The following IGF2R variants were observed in gnomAD, a reference collection of about 807,000 sequenced individuals.
IGF2R encodes the protein cation-independent mannose-6-phosphate receptor.
In IGF2R, 91 loss-of-function variants were observed where a neutral mutation model predicts 270.6. The ratio of observed to expected loss-of-function variants is 0.34; its 90% CI spans 0.28 to 0.40. The LOEUF (loss-of-function observed/expected upper bound fraction) is 0.40, where lower values mean the gene tolerates loss of function less well. IGF2R is among the 10% of genes least tolerant of loss of function. The probability of loss-of-function intolerance (pLI) is 1.00; values close to 1 mark genes in which losing one functional copy is unlikely to be tolerated. For synonymous variants in IGF2R, 1,316 were observed against 1,258.9 expected (o/e 1.05, Z -0.96); for missense variants, 2,805 against 3,188.3 (o/e 0.88, Z 2.90).
At chr6:160,037,256 G>A (rs1195488835) in intron 10 of IGF2R, among the ~76,000 whole-genome samples, 1 of 152,192 alleles carries the variant, frequency 6.6e-6, no homozygotes, top group Non-Finnish European at 1.5e-5. Context: ...GAGATGTCAG[G>A]TGTTTTGTGG....
chr6:160,079,630 C>T lies in IGF2R; in HGVS notation c.5529C>T (p.Val1843=), dbSNP rs200730925. Reference sequence around the variant, plus strand: ...GCGTTGGGGTGTGCACCTTTGCAGTCGGGCCAGAACAAGGAGGCTGTAAGG... The same window carrying T: ...GCGTTGGGGTGTGCACCTTTGCAGTTGGGCCAGAACAAGGAGGCTGTAAGG... The part of the protein sequence containing the change: ...TYSVGVCTFA[V]GPEQGGCKDG... Residue 1843 remains valine, a synonymous_variant, in exon 38 of 48, where the codon GTC becomes GTT. Coordinates refer to ENST00000356956, the MANE Select transcript of IGF2R (RefSeq NM_000876.4). The T allele has an allele frequency of 5.0e-5, 77 of 1,552,604 alleles. No homozygotes were observed. The highest frequency in any genetic ancestry group is 7.4e-5 in the South Asian group (6 of 81,564).
intron 17 of IGF2R, among the ~76,000 whole-genome samples, 155 bp downstream of exon 17, chr6:160,048,062 A>G (rs1277545343): frequency 1.3e-5 from 2 of 152,216 alleles, no homozygotes; most frequent in Admixed American, 6.5e-5. Flanking sequence ...GTGAATTCTA[A>G]TAACTGTCTG....
chr6:160,060,864 A>T, intron 23 of IGF2R, 147 bp downstream of exon 23: 1 of 686,630 alleles, frequency 1.5e-6, no homozygotes. Flanking sequence ...CATTTCTGTT[A>T]TATATTCTCT....
chr6:160,045,417 A>T (rs939918046), intron 13 of IGF2R, among the ~76,000 whole-genome samples: 2 of 152,284 alleles, frequency 1.3e-5, no homozygotes, highest in African/African-American at 2.4e-5. Flanking sequence ...AACTGCTTTT[A>T]AGTGTGTAGC....
At position 160,004,169 on chromosome 6, in the gene IGF2R, G is replaced by A. The variant is rs888964322; in HGVS notation, c.290-4841G>A. On this transcript the variant is annotated intron_variant, in intron 2 of 47. Coordinates refer to ENST00000356956, the MANE Select transcript of IGF2R (RefSeq NM_000876.4). The surrounding 1 kb of genome is among the most constrained non-coding windows in gnomAD (Gnocchi z 5.2). ...GTGGGTGGTGCAGGGGAGAGAGGAA[G>A]ACTTGCTTGAGCACATCGGGAAGTA... The A allele has an allele frequency of 1.3e-5, 2 of 152,216 alleles. No homozygotes were observed. Among genetic ancestry groups the A allele is most frequent in the Non-Finnish European group, 2.9e-5 (2 of 68,072 alleles). The allele number at this position is 152,216 out of a possible 1,614,324, so 9.4% of individuals were successfully genotyped here.
At chr6:160,062,686 C>T in intron 26 of IGF2R, 67 bp downstream of exon 26, 1 of 1,133,752 alleles carries the variant, frequency 8.8e-7, no homozygotes, top group Non-Finnish European at 1.3e-6. Context: ...TGAACGATGC[C>T]TTAGATATGA....
intron 41 of IGF2R, among the ~76,000 whole-genome samples, chr6:160,087,396 C>T (rs1039892181): frequency 4.6e-5 from 7 of 152,190 alleles, no homozygotes; most frequent in South Asian, 2.1e-4. Flanking sequence ...TATACATGCC[C>T]GAAACCTGCC....
intron 2 of IGF2R, among the ~76,000 whole-genome samples, chr6:159,996,152 T>G (rs1000065588): frequency 6.6e-6 from 1 of 152,178 alleles, no homozygotes; most frequent in African/African-American, 2.4e-5. Flanking sequence ...ATAGTAATGA[T>G]GTGCTTGGGT....
At position 160,085,215 on chromosome 6, in the gene IGF2R, A is replaced by G; in HGVS notation, c.6205+84A>G. ...AGGGTGTTCTCAGGATGGCAAGGAG[A>G]GTGAGCATGTGCTTTGGTGGAAACC... On this transcript the variant is annotated intron_variant, in intron 41 of 47. Transcript: ENST00000356956. 3.5e-6 allele frequency: 5 copies of G among 1,436,804 alleles called. 1 individual carries two copies. The South Asian group carries it at 6.1e-5, about 18-fold the overall frequency. 89.0% of individuals were successfully genotyped at this position (1,436,804 alleles called of 1,614,324 possible). A position where few individuals can be genotyped will look rare whatever the true frequency, so the allele number is the denominator to read the frequency against.
chr6:159,972,354 A>C (rs3777421), intron 1 of IGF2R, among the ~76,000 whole-genome samples: 60,659 of 152,016 alleles, frequency 0.4, 12,820 homozygotes, highest in East Asian at 0.69. Context: ...GTAAATTGGT[A>C]ATTTCATACG....
Position 159,975,022 on chromosome 6 carries a change from C to A in IGF2R, c.149+5627C>A, listed in dbSNP as rs534220955. Among the ~76,000 whole-genome samples, 33 of 152,226 alleles carry A rather than the reference C, an allele frequency of 2.2e-4. 1 individual carries two copies. The East Asian group carries it at 4.8e-3, about 22-fold the overall frequency. ...CGTAATCAAATGTGTGGTCGTTTTT[C>A]CCCAGGCACCAAGCAGTGACCCCTG... On this transcript the variant is annotated intron_variant, in intron 1 of 47. Transcript: ENST00000356956.
Position 160,046,586 on chromosome 6 carries a change from T to C in IGF2R, c.1992T>C (p.Cys664=), listed in dbSNP as rs2115247684. 6.2e-7 allele frequency: 1 copy of C among 1,613,968 alleles called. No homozygotes were observed. Among genetic ancestry groups the C allele is most frequent in the Non-Finnish European group, 8.5e-7 (1 of 1,180,002 alleles). The change falls in exon 15 of 48, where the codon TGT becomes TGC. Residue 664 remains cysteine, a synonymous_variant. Coordinates refer to ENST00000356956, the MANE Select transcript of IGF2R (RefSeq NM_000876.4). ...TKKYDFYINV[C]GPVSVSPCQP... is the part of the protein sequence containing the mutation. ...AGTATGACTTTTATATAAATGTGTG[T>C]GGCCCGGTGTCTGTGAGCCCCTGTC...
At position 160,004,940 on chromosome 6, in the gene IGF2R, A is replaced by C. The variant is rs1244415920; in HGVS notation, c.290-4070A>C. On this transcript the variant is annotated intron_variant, in intron 2 of 47. Transcript: ENST00000356956. This position sits in a 1 kb window ranked among gnomAD's most constrained non-coding sequence, Gnocchi z 5.2. The stretch of plus-strand genomic sequence containing the variant: ...CGGCTGGGTCGGGTTTTATAAGCAT[A>C]AGCTTATTACCATAAGGTAATGAGG... The C allele has an allele frequency of 6.6e-6, 1 of 152,142 alleles. No individual in the cohort carries two copies. Among genetic ancestry groups the C allele is most frequent in the African/African-American group, 2.4e-5 (1 of 41,408 alleles). 9.4% of individuals were successfully genotyped at this position (152,142 alleles called of 1,614,324 possible). A position where few individuals can be genotyped will look rare whatever the true frequency, so the allele number is the denominator to read the frequency against.
At chr6:160,002,714 C>T (rs1784148927) in intron 2 of IGF2R, among the ~76,000 whole-genome samples, 4 of 151,932 alleles carry the variant, frequency 2.6e-5, no homozygotes, top group Admixed American at 2.6e-4. Context: ...TTTAATAATT[C>T]TTATATATTT....
intron 9 of IGF2R, 61 bp from the exon 10 acceptor site, chr6:160,034,358 G>A: frequency 3.7e-6 from 4 of 1,084,716 alleles, no homozygotes; most frequent in East Asian, 2.4e-5. Flanking sequence ...CATTTAAAAA[G>A]ATTCAAGTTT....
rs748703829 is a variant in IGF2R at position 160,104,783 on chromosome 6, C to T, written c.7175C>T (p.Thr2392Ile). 3 of 1,614,202 alleles carry T rather than the reference C, an allele frequency of 1.9e-6. No individual in the cohort carries two copies. The highest frequency in any genetic ancestry group is 3.3e-5 in the Admixed American group (2 of 60,024). The stretch of plus-strand genomic sequence containing the variant: ...GAAGGGCAGGAGAACGGCCATATTA[C>T]CACCAAGTCAGTGAAAGCCCTCAGC... ...GKEGQENGHI[T>I]TKSVKALSSL... The change falls in exon 48 of 48, where the codon ACC becomes ATC. Residue 2392 changes from threonine (T) to isoleucine (I), a missense_variant. This residue lies in a region of IGF2R where 1,851 missense variants were observed against 2,207.2 expected (regional missense o/e 0.84). Coordinates refer to ENST00000356956, the MANE Select transcript of IGF2R (RefSeq NM_000876.4).
Position 160,037,752 on chromosome 6 carries a change from T to G in IGF2R, c.1316-2808T>G, listed in dbSNP as rs577576505. Among the ~76,000 whole-genome samples the G allele has an allele frequency of 5.9e-5, 9 of 152,296 alleles. No homozygotes were observed. In the South Asian group the frequency reaches 1.7e-3, roughly 28 times the overall value. On this transcript the variant is annotated intron_variant, in intron 10 of 47. Coordinates refer to ENST00000356956, the MANE Select transcript of IGF2R (RefSeq NM_000876.4). ...TAAGTGGCTCAGCCCATTAAAGGTTTATTTTCTTAGTTCAGTGCTAGTCTT... is the reference window on the plus strand; with the variant it reads ...TAAGTGGCTCAGCCCATTAAAGGTTGATTTTCTTAGTTCAGTGCTAGTCTT...
At chr6:160,065,814 G>GTATGTATATATATATATATATATA (rs1778567787) in intron 29 of IGF2R, among the ~76,000 whole-genome samples, 1 of 78,392 alleles carries the variant, frequency 1.3e-5, no homozygotes, top group Non-Finnish European at 2.3e-5. Context: ...GTGTGTGTGT[G>GTATGTATATATATATATATATATA]TATATATATA....
chr6:160,026,222 G>C (rs1777558746), intron 5 of IGF2R, among the ~76,000 whole-genome samples: 1 of 152,202 alleles, frequency 6.6e-6, no homozygotes, highest in Admixed American at 6.5e-5. Flanking sequence ...GATACTATAG[G>C]TGGAACAAAG....
Sources: allele counts gnomAD v4.1 joint callset (sites outside exome capture counted in the v4.1 genomes callset), GRCh38; gene constraint gnomAD v4.1.1; regional missense constraint gnomAD v4.1.1; non-coding constraint Gnocchi (gnomAD v3.1); transcripts MANE v1.5; gene names NCBI Gene and HGNC (gene_info 2026-07-23, HGNC 2026-07-21).